KEL: variants seen among roughly 807,000 people sequenced by gnomAD.
The protein encoded by KEL is kell blood group glycoprotein.
A neutral mutation model predicts 99.5 loss-of-function variants in KEL; 96 were observed. The observed-to-expected ratio is 0.97, with a 90% CI of 0.82 to 1.14. KEL has a LOEUF of 1.14. Ranked by LOEUF, KEL falls within the 50% of genes most tolerant of loss-of-function variation. The probability of loss-of-function intolerance (pLI) is 0.00; values close to 1 mark genes in which losing one functional copy is unlikely to be tolerated. For missense variants in KEL, 926 were observed against 924.2 expected (o/e 1.00, Z -0.03); for synonymous variants, 355 against 354.8 (o/e 1.00, Z -0.01).
At chr7:142,952,787 A>G in intron 9 of KEL, 149 bp from the exon 10 acceptor site, 2 of 907,876 alleles carry the variant, frequency 2.2e-6, no homozygotes, top group Non-Finnish European at 3.4e-6. Context: ...ACCCAAGTCA[A>G]AAAGAGCTTT....
At position 142,943,853 on chromosome 7, in the gene KEL, C is replaced by T; in HGVS notation, c.1522G>A (p.Val508Ile). Reference sequence around the variant, plus strand: ...CGGAGGGACCGGACACAGCTCAGGACAGACTGCAGGAAGCTCGATCCAAGC... The same window carrying T: ...CGGAGGGACCGGACACAGCTCAGGATAGACTGCAGGAAGCTCGATCCAAGC... Reference protein sequence around the residue: ...IQLGSSFLQSVLSCVRSLRAR... With the variant: ...IQLGSSFLQSILSCVRSLRAR... Residue 508 changes from valine to isoleucine, a missense_variant, in exon 14 of 19, where the codon GTC (valine) becomes ATC (isoleucine). By Grantham distance (29) the Val-to-Ile change is conservative. Coordinates refer to ENST00000355265, the MANE Select transcript of KEL (RefSeq NM_000420.3). The T allele has an allele frequency of 6.2e-7, 1 of 1,614,148 alleles. No homozygotes were observed. The highest frequency in any genetic ancestry group is 8.5e-7 in the Non-Finnish European group (1 of 1,180,026).
chr7:142,948,061 G>A (rs1378072553), intron 10 of KEL, among the ~76,000 whole-genome samples: 1 of 152,194 alleles, frequency 6.6e-6, no homozygotes, highest in Non-Finnish European at 1.5e-5. Flanking sequence ...GCTTGGAAGT[G>A]TAGATCTGCC....
chr7:142,960,823 G>A lies in KEL; in HGVS notation c.400+105C>T, dbSNP rs912768895. On this transcript the variant is annotated intron_variant, in intron 4 of 18. Coordinates refer to ENST00000355265, the MANE Select transcript of KEL (RefSeq NM_000420.3). ...CCCGTATAATCCCACCTGGGATGGT[G>A]CAAATCAGTTGTTCCACAACTACAC... is the stretch of plus-strand genomic sequence containing the variant. 13 of 1,158,534 alleles carry A rather than the reference G, an allele frequency of 1.1e-5. No homozygotes were observed. In the East Asian group the frequency reaches 2.3e-4, roughly 21 times the overall value. 71.8% of individuals were successfully genotyped at this position (1,158,534 alleles called of 1,614,324 possible).
At chr7:142,945,044 C>T (rs1796487565) in intron 11 of KEL, 5 of 466,926 alleles carry the variant, frequency 1.1e-5, no homozygotes, top group Non-Finnish European at 2.0e-5. Flanking sequence ...CTCCTGGGGG[C>T]AGGAACACCT....
chr7:142,958,232 A>T, intron 5 of KEL, 72 bp downstream of exon 5: 1 of 1,611,192 alleles, frequency 6.2e-7, no homozygotes, highest in Non-Finnish European at 8.5e-7. Context: ...AGAAAAAAAA[A>T]TGGCAGCCCT....
chr7:142,943,217 C>A, intron 16 of KEL, 59 bp downstream of exon 16: 2 of 1,594,654 alleles, frequency 1.3e-6, no homozygotes, highest in East Asian at 2.2e-5. Context: ...CCAGGCCTCC[C>A]TTGTGGTCTT....
Position 142,941,359 on chromosome 7 carries a change from G to A in KEL, c.2092C>T (p.His698Tyr). The change falls in exon 19 of 19, where the codon CAC (histidine) becomes TAC (tyrosine). Residue 698 changes from histidine (H) to tyrosine (Y), a missense_variant. Physicochemically the swap from His to Tyr is moderately conservative, Grantham distance 83. Coordinates refer to ENST00000355265, the MANE Select transcript of KEL (RefSeq NM_000420.3). ...QDSHDTHSPP[H>Y]LRVHGPLSST... ...CTGAGGGGCCCGTGGACTCGGAGGT[G>A]TGGAGGGCTGTGAGTGTCGTGAGAG... The A allele has an allele frequency of 6.2e-7, 1 of 1,612,676 alleles. No homozygotes were observed. Among genetic ancestry groups the A allele is most frequent in the South Asian group, 1.1e-5 (1 of 91,066 alleles).
At position 142,962,312 on chromosome 7, in the gene KEL, G is replaced by C; in HGVS notation, c.-106C>G. On this transcript the variant is annotated 5_prime_UTR_variant, in exon 1 of 19. Transcript: ENST00000355265. ...CCCCCGCCCCAGTTCCTTGATCCTG[G>C]AGAAGGGGCACTTCTGCTGCTCTTT... is the stretch of plus-strand genomic sequence containing the variant. 7.8e-7 allele frequency: 1 copy of C among 1,277,642 alleles called. No individual in the cohort carries two copies. Among genetic ancestry groups the C allele is most frequent in the Non-Finnish European group, 1.1e-6 (1 of 874,716 alleles). 79.1% of individuals were successfully genotyped at this position (1,277,642 alleles called of 1,614,324 possible).
At position 142,944,731 on chromosome 7, in the gene KEL, A is replaced by G. The variant is rs781236564; in HGVS notation, c.1325T>C (p.Leu442Ser). The G allele has an allele frequency of 6.2e-7, 1 of 1,613,828 alleles. No individual in the cohort carries two copies. Among genetic ancestry groups the G allele is most frequent in the South Asian group, 1.1e-5 (1 of 91,058 alleles). The change falls in exon 12 of 19, where the codon TTA (leucine) becomes TCA (serine). Residue 442 changes from leucine (L) to serine (S), a missense_variant. Transcript: ENST00000355265. ...GPSTRSAAMK[L>S]FTAIRDALIT... is the part of the protein sequence containing the mutation. ...GAGGGCATCCCGGATCGCAGTGAAT[A>G]ATTTCATGGCCTGTGGGAGTGAGGT...
At position 142,955,240 on chromosome 7, in the gene KEL, G is replaced by A. The variant is rs1407157522; in HGVS notation, c.673-713C>T. ...AAAAATCAAAATTACTACCAAAAAT[G>A]TATGATAAATAAAATCTCAAAACTT... On this transcript the variant is annotated intron_variant, in intron 6 of 18. Transcript: ENST00000355265. 3.3e-5 allele frequency among the ~76,000 whole-genome samples: 5 copies of A among 151,958 alleles called. No individual in the cohort carries two copies. In the East Asian group the frequency reaches 9.6e-4, roughly 29 times the overall value.
intron 11 of KEL, chr7:142,945,956 C>T: frequency 1.8e-6 from 1 of 566,532 alleles, no homozygotes; most frequent in Non-Finnish European, 3.2e-6. Context: ...GTTGAAGAAA[C>T]ACAAGACCAG....
intron 2 of KEL, 87 bp downstream of exon 2, chr7:142,961,708 A>C: frequency 1.5e-6 from 2 of 1,326,084 alleles, no homozygotes; most frequent in Non-Finnish European, 2.2e-6. Context: ...GATGAAGCAG[A>C]CAGTTAGTAG....
At chr7:142,949,489 CTAACA>C (rs1796620481) in intron 10 of KEL, among the ~76,000 whole-genome samples, 1 of 152,236 alleles carries the variant, frequency 6.6e-6, no homozygotes, top group African/African-American at 2.4e-5. Context: ...ATAACACCTC[CTAACA>C]TATTTTATTA....
At chr7:142,951,767 G>A (rs1796691570) in intron 10 of KEL, among the ~76,000 whole-genome samples, 1 of 152,114 alleles carries the variant, frequency 6.6e-6, no homozygotes, top group Non-Finnish European at 1.5e-5. Context: ...AAAGCAGAGA[G>A]TTTCTCCAAG....
intron 16 of KEL, 82 bp downstream of exon 16, chr7:142,943,194 C>T: frequency 6.4e-7 from 1 of 1,565,438 alleles, no homozygotes; most frequent in Non-Finnish European, 8.7e-7. Flanking sequence ...CTCAAATAAC[C>T]TCCCTTTCCC....
chr7:142,957,226 G>T (rs780713303), intron 6 of KEL, among the ~76,000 whole-genome samples: 6 of 152,190 alleles, frequency 3.9e-5, no homozygotes, highest in Admixed American at 3.3e-4. Flanking sequence ...GGTTCAGTGT[G>T]GGGGATGGTT....
At chr7:142,946,586 C>A (rs1338535960) in intron 10 of KEL, 2 of 524,732 alleles carry the variant, frequency 3.8e-6, no homozygotes, top group Non-Finnish European at 3.4e-6. Flanking sequence ...TAGGAGGCAT[C>A]ATCCTGGGGT....
intron 9 of KEL, chr7:142,953,431 C>T: frequency 1.0e-6 from 1 of 976,626 alleles, no homozygotes; most frequent in Non-Finnish European, 1.2e-6. Flanking sequence ...TGCCCACAGT[C>T]CTCAGCTGCT....
intron 5 of KEL, 81 bp downstream of exon 5, chr7:142,958,223 G>GAA: frequency 1.3e-6 from 2 of 1,563,140 alleles, no homozygotes; most frequent in Non-Finnish European, 1.8e-6. Context: ...CCACCCTCTA[G>GAA]AAAAAAAAAT....
Sources: allele counts gnomAD v4.1 joint callset (sites outside exome capture counted in the v4.1 genomes callset), GRCh38; gene constraint gnomAD v4.1.1; transcripts MANE v1.5; gene names NCBI Gene and HGNC (gene_info 2026-07-23, HGNC 2026-07-21).